STAU2: variants seen among roughly 807,000 people sequenced by gnomAD.
The protein encoded by STAU2 is staufen double-stranded RNA binding protein 2, also known as double-stranded RNA-binding protein Staufen homolog 2.
In STAU2, 20 loss-of-function variants were observed where a neutral mutation model predicts 65.9. That is an observed-to-expected ratio of 0.30 (90% CI 0.21 to 0.44). The LOEUF (loss-of-function observed/expected upper bound fraction) is 0.44, where lower values mean the gene tolerates loss of function less well. Ranked by LOEUF, STAU2 falls within the 20% of genes least tolerant of loss-of-function variation. The pLI, the probability that STAU2 is intolerant of heterozygous loss-of-function variation, is 1.00. For synonymous variants in STAU2, 232 were observed against 233.9 expected, an observed-to-expected ratio of 0.99 and a Z score of 0.07; for missense variants, 558 against 683.9, an observed-to-expected ratio of 0.82 and a Z score of 2.05.
At chr8:73,453,537 T>C (rs755547182) in intron 13 of STAU2, among the ~76,000 whole-genome samples, 3 of 152,364 alleles carry the variant, frequency 2.0e-5, no homozygotes, top group Middle Eastern at 3.4e-3. Flanking sequence ...TTCTAAGAGC[T>C]GTCTGGGAAA....
chr8:73,669,167 T>A (rs1238850493), intron 6 of STAU2: 1 of 697,618 alleles, frequency 1.4e-6, no homozygotes, highest in South Asian at 1.5e-5. Context: ...TGAGTAATGG[T>A]TAGGTCTGCG....
intron 12 of STAU2, among the ~76,000 whole-genome samples, chr8:73,564,569 TATCTGGATGATGAAATAATCTGTATGAC>T (rs1808461965): frequency 1.3e-5 from 2 of 151,738 alleles, no homozygotes; most frequent in African/African-American, 4.8e-5. Flanking sequence ...CTAGGCTTCA[TATCTGGATGATGAAATAATCTGTATGAC>T]AAGCCCCCAT....
intron 3 of STAU2, among the ~76,000 whole-genome samples, chr8:73,717,061 C>G (rs1467152266): frequency 6.6e-6 from 1 of 152,030 alleles, no homozygotes; most frequent in Non-Finnish European, 1.5e-5. Flanking sequence ...AAGAAGGTAC[C>G]ACTGCACTCC....
intron 13 of STAU2, among the ~76,000 whole-genome samples, chr8:73,487,098 C>CA (rs1368931092): frequency 6.6e-6 from 1 of 152,094 alleles, no homozygotes; most frequent in Non-Finnish European, 1.5e-5. Flanking sequence ...GTGGTAAAGG[C>CA]AATAAGCTCT....
intron 13 of STAU2, among the ~76,000 whole-genome samples, chr8:73,521,710 C>T (rs564186897): frequency 1.3e-5 from 2 of 152,244 alleles, no homozygotes; most frequent in South Asian, 4.1e-4. Flanking sequence ...TTCCAGTCAG[C>T]CACTTGATCA....
At chr8:73,684,149 A>G (rs1486176695) in intron 5 of STAU2, among the ~76,000 whole-genome samples, 1 of 152,186 alleles carries the variant, frequency 6.6e-6, no homozygotes, top group African/African-American at 2.4e-5. Flanking sequence ...CCACATAACT[A>G]AAGCAAGACT....
chr8:73,424,777 G>A (rs1008751657), intron 13 of STAU2, among the ~76,000 whole-genome samples: 3 of 150,738 alleles, frequency 2.0e-5, no homozygotes, highest in African/African-American at 7.3e-5. Context: ...AGCAAAAGTC[G>A]GCATGCGTCC....
intron 13 of STAU2, among the ~76,000 whole-genome samples, chr8:73,482,382 A>G (rs919477319): frequency 7.2e-5 from 11 of 152,154 alleles, no homozygotes; most frequent in African/African-American, 2.4e-4. Flanking sequence ...AAAATTTAAT[A>G]GACATTTGCA....
chr8:73,486,622 T>A (rs1820921355), intron 13 of STAU2, among the ~76,000 whole-genome samples: 1 of 146,124 alleles, frequency 6.8e-6, no homozygotes, highest in African/African-American at 2.5e-5. Context: ...TATATATATA[T>A]ATATACACAT....
At chr8:73,587,429 G>A (rs946375637) in intron 11 of STAU2, among the ~76,000 whole-genome samples, 1 of 152,176 alleles carries the variant, frequency 6.6e-6, no homozygotes, top group African/African-American at 2.4e-5. Context: ...AAATTTTCAG[G>A]ATAATGGTGA....
intron 13 of STAU2, chr8:73,551,587 T>C (rs760926782): frequency 1.0e-6 from 1 of 988,794 alleles, no homozygotes; most frequent in Non-Finnish European, 1.2e-6. Flanking sequence ...AAAATTGCTA[T>C]AAAGGTAAAA....
At chr8:73,530,013 T>C (rs1235228389) in intron 13 of STAU2, among the ~76,000 whole-genome samples, 1 of 146,320 alleles carries the variant, frequency 6.8e-6, no homozygotes, top group Non-Finnish European at 1.5e-5. Flanking sequence ...GCGTGCCTTT[T>C]GCTTTTTTAC....
chr8:73,517,839 T>A (rs936178212), intron 13 of STAU2, among the ~76,000 whole-genome samples: 2 of 152,216 alleles, frequency 1.3e-5, no homozygotes, highest in Non-Finnish European at 2.9e-5. Context: ...GTGCACAATA[T>A]CACTGGATAT....
At chr8:73,599,025 A>ATT (rs1811428169) in intron 10 of STAU2, among the ~76,000 whole-genome samples, 1 of 152,242 alleles carries the variant, frequency 6.6e-6, no homozygotes, top group Non-Finnish European at 1.5e-5. Flanking sequence ...GATTGAAGAC[A>ATT]ATACTAATGT....
chr8:73,477,612 G>A (rs753616603), intron 13 of STAU2, among the ~76,000 whole-genome samples: 2 of 152,172 alleles, frequency 1.3e-5, no homozygotes, highest in Non-Finnish European at 2.9e-5. Flanking sequence ...CTGAGTACAG[G>A]AAGAACAGTT....
At chr8:73,647,369 A>G (rs1362445805) in intron 6 of STAU2, among the ~76,000 whole-genome samples, 1 of 152,224 alleles carries the variant, frequency 6.6e-6, no homozygotes, top group East Asian at 1.9e-4. Context: ...ACTGTGGTAC[A>G]CAGAACACTA....
At chr8:73,572,313 C>T (rs1234953609) in intron 12 of STAU2, among the ~76,000 whole-genome samples, 2 of 152,114 alleles carry the variant, frequency 1.3e-5, no homozygotes, top group Non-Finnish European at 1.5e-5. Flanking sequence ...TGAATTCTAC[C>T]AGAGGTACAA....
chr8:73,540,445 G>T (rs914010686), intron 13 of STAU2, among the ~76,000 whole-genome samples: 1 of 152,170 alleles, frequency 6.6e-6, no homozygotes, highest in Non-Finnish European at 1.5e-5. Flanking sequence ...CAGACTTCTG[G>T]CCTCCACAAC....
At chr8:73,623,491 T>C (rs1813414235) in intron 6 of STAU2, among the ~76,000 whole-genome samples, 1 of 152,176 alleles carries the variant, frequency 6.6e-6, no homozygotes, top group Admixed American at 6.5e-5. Flanking sequence ...TTAAAATATA[T>C]GAAAATGCTA....
Sources: gnomAD v4.1 joint callset for allele counts (sites outside exome capture counted in the v4.1 genomes callset) on GRCh38, gnomAD v4.1.1 for gene constraint, MANE v1.5 for transcripts, NCBI Gene and HGNC (gene_info 2026-07-23, HGNC 2026-07-21) for gene names.